Variants in SRGAP1 observed in about 807,000 individuals in gnomAD.
SRGAP1 encodes SLIT-ROBO Rho GTPase-activating protein 1.
Under a neutral mutation model 121.9 loss-of-function variants are expected in SRGAP1, and 43 were observed. The ratio of observed to expected loss-of-function variants is 0.35; its 90% CI spans 0.28 to 0.46. SRGAP1 has a LOEUF of 0.46. SRGAP1 is among the 20% of genes least tolerant of loss of function. The pLI is 1.00. For synonymous variants in SRGAP1, 447 were observed against 485.4 expected (o/e 0.92, Z 1.04); for missense variants, 1,102 against 1,350.9 (o/e 0.82, Z 2.89).
intron 1 of SRGAP1, among the ~76,000 whole-genome samples, chr12:63,904,680 C>T (rs951201539): frequency 2.6e-5 from 4 of 152,166 alleles, no homozygotes; most frequent in Admixed American, 6.5e-5. Flanking sequence ...CCTATAATCC[C>T]AGCCCTTTGG....
chr12:63,861,481 T>G (rs1899450043), intron 1 of SRGAP1, among the ~76,000 whole-genome samples: 2 of 151,784 alleles, frequency 1.3e-5, no homozygotes, highest in Non-Finnish European at 1.5e-5. Context: ...GTATTTTCAG[T>G]AGAGACAGGG....
intron 1 of SRGAP1, among the ~76,000 whole-genome samples, chr12:63,955,173 G>A (rs1410511215): frequency 6.6e-6 from 1 of 152,080 alleles, no homozygotes; most frequent in Non-Finnish European, 1.5e-5. Context: ...CAAAGAATTA[G>A]CCAGGTGTGG....
At chr12:64,118,363 C>T (rs1006611722) in intron 18 of SRGAP1, among the ~76,000 whole-genome samples, 4 of 151,572 alleles carry the variant, frequency 2.6e-5, no homozygotes, top group East Asian at 3.9e-4. Flanking sequence ...TGGACTTCCC[C>T]GGCTCCAGTG....
chr12:64,141,886 A>G (rs929686653), intron 21 of SRGAP1, among the ~76,000 whole-genome samples: 3 of 152,072 alleles, frequency 2.0e-5, no homozygotes, highest in African/African-American at 7.2e-5. Context: ...GGTCCCAGCT[A>G]CTCAGGAGGT....
chr12:64,010,433 G>T (rs1489619299), intron 3 of SRGAP1, among the ~76,000 whole-genome samples: 1 of 152,014 alleles, frequency 6.6e-6, no homozygotes, highest in Non-Finnish European at 1.5e-5. Context: ...AAGGAATAGG[G>T]ACCCTGGCCA....
chr12:63,923,746 G>C (rs1019453249), intron 1 of SRGAP1, among the ~76,000 whole-genome samples: 2 of 152,172 alleles, frequency 1.3e-5, no homozygotes, highest in Non-Finnish European at 2.9e-5. Flanking sequence ...CTTGAGTAAA[G>C]GCTACAGATT....
chr12:64,129,949 C>G (rs774527734), intron 21 of SRGAP1, among the ~76,000 whole-genome samples: 2 of 152,114 alleles, frequency 1.3e-5, no homozygotes, highest in African/African-American at 4.8e-5. Context: ...TTCCCTTTGC[C>G]TTCAGCAAGC....
intron 3 of SRGAP1, among the ~76,000 whole-genome samples, chr12:64,011,627 G>A (rs980659864): frequency 6.6e-6 from 1 of 152,072 alleles, no homozygotes; most frequent in Non-Finnish European, 1.5e-5. Context: ...TGATTGACTA[G>A]TTGGTAGAAA....
Position 64,099,474 on chromosome 12 carries a change from C to T in SRGAP1, c.1813+2099C>T, listed in dbSNP as rs138020758. Among the ~76,000 whole-genome samples the T allele has an allele frequency of 3.9e-5, 6 of 152,250 alleles. 1 individual carries two copies. The East Asian group carries it at 7.7e-4, about 20-fold the overall frequency. ...GAATTGAAAAGTCAAGATTCCACCA[C>T]GAGTTCTTTGTCTGGCATCAGTGCC... On this transcript the variant is annotated intron_variant, in intron 15 of 21. Transcript: ENST00000355086.
intron 1 of SRGAP1, among the ~76,000 whole-genome samples, chr12:63,945,195 A>G (rs527760082): frequency 6.6e-6 from 1 of 151,742 alleles, no homozygotes; most frequent in Non-Finnish European, 1.5e-5. Flanking sequence ...TCTTGCCATT[A>G]ATGTTAATGA....
At chr12:63,990,798 A>G (rs2033539250) in intron 3 of SRGAP1, among the ~76,000 whole-genome samples, 1 of 152,214 alleles carries the variant, frequency 6.6e-6, no homozygotes, top group African/African-American at 2.4e-5. Context: ...AAACTTGTGA[A>G]GAACAAGATT....
chr12:63,906,118 C>T (rs2030195938), intron 1 of SRGAP1, among the ~76,000 whole-genome samples: 1 of 152,150 alleles, frequency 6.6e-6, no homozygotes, highest in Non-Finnish European at 1.5e-5. Flanking sequence ...TCTAGACATT[C>T]ATATAAATGG....
At position 63,856,451 on chromosome 12, in the gene SRGAP1, GTA is replaced by G. The variant is rs1446648003; in HGVS notation, c.67+11570_67+11571del. 2.0e-5 allele frequency among the ~76,000 whole-genome samples: 3 copies of G among 152,178 alleles called. No homozygotes were observed. The South Asian group carries it at 6.2e-4, about 32-fold the overall frequency. ...AATGTTGTAAAATTTTGCTTTCGGCGTATGTTTTTAATTCATCTGAAGTTTTT... is the reference window on the plus strand; with the variant it reads ...AATGTTGTAAAATTTTGCTTTCGGCGTGTTTTTAATTCATCTGAAGTTTTT... On this transcript the variant is annotated intron_variant, in intron 1 of 21. Coordinates refer to ENST00000355086, the MANE Select transcript of SRGAP1 (RefSeq NM_020762.4).
At chr12:64,056,103 T>C (rs999095812) in intron 6 of SRGAP1, among the ~76,000 whole-genome samples, 6 of 152,136 alleles carry the variant, frequency 3.9e-5, no homozygotes, top group African/African-American at 1.4e-4. Context: ...CAGAAAATAA[T>C]GCCACTTTCC....
intron 6 of SRGAP1, among the ~76,000 whole-genome samples, chr12:64,055,591 T>A (rs2136525608): frequency 6.6e-6 from 1 of 151,822 alleles, no homozygotes; most frequent in South Asian, 2.1e-4. Context: ...TCACACTACC[T>A]GACTTCAAAC....
Position 63,871,642 on chromosome 12 carries a change from T to C in SRGAP1, c.67+26759T>C, listed in dbSNP as rs1200852166. ...GTTGGGAGTTTTTCTTTTTTCTTTT[T>C]TTTTTGGCATAAGAATAGCGCTGTA... On this transcript the variant is annotated intron_variant, in intron 1 of 21. Coordinates refer to ENST00000355086, the MANE Select transcript of SRGAP1 (RefSeq NM_020762.4). 1.2e-5 allele frequency: 7 copies of C among 562,514 alleles called. No homozygotes were observed. In the Admixed American group the frequency reaches 2.4e-4, roughly 19 times the overall value. The allele number at this position is 562,514 out of a possible 1,614,324, so 34.8% of individuals were successfully genotyped here.
chr12:63,965,197 C>T (rs1347410674), intron 1 of SRGAP1, among the ~76,000 whole-genome samples: 1 of 152,186 alleles, frequency 6.6e-6, no homozygotes, highest in East Asian at 1.9e-4. Context: ...TATTGATGCT[C>T]TGAAAATTCT....
At chr12:64,084,561 C>T (rs901428661) in intron 10 of SRGAP1, among the ~76,000 whole-genome samples, 5 of 150,712 alleles carry the variant, frequency 3.3e-5, no homozygotes, top group African/African-American at 7.3e-5. Context: ...GCTGAAAAAA[C>T]GATGGATGTG....
chr12:64,076,248 G>A (rs1428752102), intron 8 of SRGAP1, among the ~76,000 whole-genome samples: 1 of 152,170 alleles, frequency 6.6e-6, no homozygotes, highest in African/African-American at 2.4e-5. Flanking sequence ...GAAACCATGA[G>A]TGATAGCCAG....
Sources: allele counts gnomAD v4.1 joint callset (sites outside exome capture counted in the v4.1 genomes callset), GRCh38; gene constraint gnomAD v4.1.1; transcripts MANE v1.5; gene names NCBI Gene and HGNC (gene_info 2026-07-23, HGNC 2026-07-21).